PHACTR4: variants seen among roughly 807,000 people sequenced by gnomAD.
The protein encoded by PHACTR4 is phosphatase and actin regulator 4.
Under a neutral mutation model 72.7 loss-of-function variants are expected in PHACTR4, and 51 were observed. The observed-to-expected ratio is 0.70, with a 90% CI of 0.56 to 0.89. The LOEUF (loss-of-function observed/expected upper bound fraction) is 0.89. PHACTR4 is among the 40% of genes least tolerant of loss of function. The pLI, the probability that PHACTR4 is intolerant of heterozygous loss-of-function variation, is 0.00. For missense variants in PHACTR4, 731 were observed against 861.8 expected, an observed-to-expected ratio of 0.85 and a Z score of 1.90; for synonymous variants, 255 against 302.5, an observed-to-expected ratio of 0.84 and a Z score of 1.63.
At chr1:28,454,062 A>AT (rs1014180978) in intron 2 of PHACTR4, 326 of 259,176 alleles carry the variant, frequency 1.3e-3, no homozygotes, top group South Asian at 2.8e-3. Flanking sequence ...TTAAAAAAAA[A>AT]TTTTTTTTTT....
intron 7 of PHACTR4, among the ~76,000 whole-genome samples, chr1:28,474,750 C>A (rs192532162): frequency 6.6e-6 from 1 of 151,582 alleles, no homozygotes; most frequent in Non-Finnish European, 1.5e-5. Flanking sequence ...AACATGTTGG[C>A]CAGGCTGGTC....
intron 2 of PHACTR4, among the ~76,000 whole-genome samples, chr1:28,425,146 G>A (rs1417921863): frequency 6.6e-6 from 1 of 151,638 alleles, no homozygotes; most frequent in Admixed American, 6.6e-5. Context: ...TTGAGACAGA[G>A]TCTCACTGTC....
chr1:28,458,466 A>G (rs1658567098), intron 2 of PHACTR4, among the ~76,000 whole-genome samples: 1 of 152,108 alleles, frequency 6.6e-6, no homozygotes. Context: ...TCTCTAAGGC[A>G]CTACTATGGT....
rs771155250 is a variant in PHACTR4 at position 28,473,538 on chromosome 1, GCT to G, written c.824-9_824-8del. ...TGGAAAGTCGTGAAATTGATGTGTT[GCT>G]CTCTCTTTTCCAGCTGAACTGTCCC... On this transcript the variant is annotated splice_polypyrimidine_tract_variant and intron_variant, in intron 6 of 13. Transcript: ENST00000373839. 3.9e-6 allele frequency: 6 copies of G among 1,557,112 alleles called. No individual in the cohort carries two copies. The highest frequency in any genetic ancestry group is 2.3e-5 in the South Asian group (2 of 87,672).
chr1:28,476,769 G>GTTTTTTTTTTTTTTTTT (rs1557841813), intron 8 of PHACTR4, among the ~76,000 whole-genome samples: 1 of 80,220 alleles, frequency 1.2e-5, no homozygotes, highest in African/African-American at 7.3e-5. Context: ...TGCCTAGCCT[G>GTTTTTTTTTTTTTTTTT]TTCTTTTTTT....
chr1:28,395,434 A>G (rs1402200897), intron 1 of PHACTR4, among the ~76,000 whole-genome samples: 1 of 152,052 alleles, frequency 6.6e-6, no homozygotes, highest in Non-Finnish European at 1.5e-5. Flanking sequence ...TTAGCACGCA[A>G]TGCTTTTGCT....
chr1:28,482,809 ACATACCT>A (rs1230775383), intron 9 of PHACTR4, among the ~76,000 whole-genome samples: 1 of 151,720 alleles, frequency 6.6e-6, no homozygotes, highest in Non-Finnish European at 1.5e-5. Context: ...GCATGGTGGC[ACATACCT>A]CTAGTCCAGC....
At chr1:28,388,046 C>A (rs1257526077) in intron 1 of PHACTR4, among the ~76,000 whole-genome samples, 1 of 151,696 alleles carries the variant, frequency 6.6e-6, no homozygotes, top group Admixed American at 6.6e-5. Context: ...TTTTAATTAT[C>A]CAAGTATGGC....
At chr1:28,397,746 C>T (rs1310769718) in intron 1 of PHACTR4, among the ~76,000 whole-genome samples, 7 of 148,380 alleles carry the variant, frequency 4.7e-5, no homozygotes, top group African/African-American at 1.2e-4. Flanking sequence ...GCCAGGCTGG[C>T]GTGCAGTGGC....
intron 12 of PHACTR4, among the ~76,000 whole-genome samples, chr1:28,492,359 C>A (rs1661088839): frequency 6.6e-6 from 1 of 151,906 alleles, no homozygotes; most frequent in East Asian, 1.9e-4. Flanking sequence ...ATTGCTTGAA[C>A]CTAGGAGGTG....
chr1:28,489,789 T>G, intron 10 of PHACTR4: 1 of 519,026 alleles, frequency 1.9e-6, no homozygotes, highest in Non-Finnish European at 3.8e-6. Context: ...AGAGTGAAAT[T>G]TGGCCTTAAA....
chr1:28,429,540 T>C (rs1344070619), intron 2 of PHACTR4, among the ~76,000 whole-genome samples: 3 of 152,210 alleles, frequency 2.0e-5, no homozygotes, highest in Non-Finnish European at 4.4e-5. Flanking sequence ...AGTGGATGAA[T>C]AGCCTACCTT....
rs539564108 is a variant in PHACTR4 at position 28,458,108 on chromosome 1, TTGTGTGTGTGTGTG to T, written c.17-941_17-928del. ...ATCCTTAATATTATGGTGTGTGTGT[TTGTGTGTGTGTGTG>T]TGTGTGTGTGTGTGTGTGTGTGTGT... On this transcript the variant is annotated intron_variant, in intron 2 of 13. Coordinates refer to ENST00000373839, the MANE Select transcript of PHACTR4 (RefSeq NM_001048183.3). Among the ~76,000 whole-genome samples the T allele has an allele frequency of 1.4e-3, 164 of 120,346 alleles. 1 individual carries two copies. Among genetic ancestry groups the T allele is most frequent in the Middle Eastern group, 0.012 (3 of 256 alleles). 79.0% of individuals were successfully genotyped at this position (120,346 alleles called of 152,430 possible). A position where few individuals can be genotyped will look rare whatever the true frequency, so the allele number is the denominator to read the frequency against.
At chr1:28,463,720 C>T (rs1482801360) in intron 4 of PHACTR4, among the ~76,000 whole-genome samples, 1 of 152,166 alleles carries the variant, frequency 6.6e-6, no homozygotes, top group African/African-American at 2.4e-5. Flanking sequence ...TGAGCCTACA[C>T]TCCACCTCTT....
At chr1:28,466,823 T>A in intron 6 of PHACTR4, 55 bp downstream of exon 6, 8 of 1,539,126 alleles carry the variant, frequency 5.2e-6, no homozygotes, top group Non-Finnish European at 7.0e-6. Context: ...GTTGGATGGT[T>A]ATTTTATTTG....
chr1:28,454,384 C>G (rs897222902), intron 2 of PHACTR4, among the ~76,000 whole-genome samples: 1 of 146,796 alleles, frequency 6.8e-6, no homozygotes. Flanking sequence ...TCACGCCATT[C>G]TCCTGCCTCA....
chr1:28,465,594 A>G, intron 4 of PHACTR4, 91 bp from the exon 5 acceptor site: 1 of 1,334,134 alleles, frequency 7.5e-7, no homozygotes, highest in Non-Finnish European at 1.0e-6. Context: ...CAATTTAAAA[A>G]AGAGAGAGAA....
At chr1:28,370,624 C>CAAAAAAA (rs1026543199) in intron 1 of PHACTR4, among the ~76,000 whole-genome samples, 1 of 142,294 alleles carries the variant, frequency 7.0e-6, no homozygotes, top group Non-Finnish European at 1.5e-5. Flanking sequence ...AAAAAAAAAA[C>CAAAAAAA]CCTCCAGTGC....
rs200831663 is a variant in PHACTR4, at chr1:28,480,440, C to G, written c.1607-11C>G. 6.2e-7 allele frequency: 1 copy of G among 1,611,040 alleles called. No homozygotes were observed. On this transcript the variant is annotated splice_polypyrimidine_tract_variant and intron_variant, in intron 8 of 13. Transcript: ENST00000373839. ...TCAAGTTCTACATTTTTTTCTTCCC[C>G]GTGTGCAAAGGTGCTCTCGCCAACA...
Sources: allele counts gnomAD v4.1 joint callset (sites outside exome capture counted in the v4.1 genomes callset), GRCh38; gene constraint gnomAD v4.1.1; transcripts MANE v1.5; gene names NCBI Gene and HGNC (gene_info 2026-07-23, HGNC 2026-07-21).